MARCHF1: variants seen among roughly 807,000 people sequenced by gnomAD.
MARCHF1 encodes the protein membrane associated ring-CH-type finger 1.
Under a neutral mutation model 54.2 loss-of-function variants are expected in MARCHF1, and 40 were observed. The observed-to-expected ratio is 0.74, with a 90% CI of 0.57 to 0.96. MARCHF1 has a LOEUF of 0.96. Ranked by LOEUF, MARCHF1 falls within the 40% of genes least tolerant of loss-of-function variation. The pLI is 0.00. For missense variants in MARCHF1, 586 were observed against 656.5 expected, an observed-to-expected ratio of 0.89 and a Z score of 1.17; for synonymous variants, 236 against 236.3, an observed-to-expected ratio of 1.00 and a Z score of 0.01.
chr4:163,558,527 A>G (rs1481123121), intron 8 of MARCHF1, among the ~76,000 whole-genome samples: 6 of 152,162 alleles, frequency 3.9e-5, no homozygotes, highest in Non-Finnish European at 8.8e-5. Flanking sequence ...AGGGACAAAA[A>G]TCTAGGAAGT....
At chr4:163,622,723 G>A (rs757766564) in intron 5 of MARCHF1, among the ~76,000 whole-genome samples, 1 of 152,206 alleles carries the variant, frequency 6.6e-6, no homozygotes, top group Non-Finnish European at 1.5e-5. Flanking sequence ...AAACGTGGAA[G>A]AGGGTGGCAT....
At chr4:164,116,043 T>C (rs959532280) in intron 1 of MARCHF1, among the ~76,000 whole-genome samples, 4 of 152,124 alleles carry the variant, frequency 2.6e-5, no homozygotes, top group African/African-American at 9.7e-5. Flanking sequence ...AAAATCTAAA[T>C]AACTTATCTT....
intron 2 of MARCHF1, among the ~76,000 whole-genome samples, chr4:164,003,385 C>CAGAAATTG (rs1172376145): frequency 6.6e-6 from 1 of 151,956 alleles, no homozygotes. Flanking sequence ...CAATTCAAGG[C>CAGAAATTG]AGAAATTGTC....
In MARCHF1 at chr4:164,022,342, A is replaced by C. The variant is rs1753683421; in HGVS notation, c.-247-33633T>G. On this transcript the variant is annotated intron_variant, in intron 2 of 9. Transcript: ENST00000514618. ...GCACTGCTTCCAATGAGACAGACCA[A>C]AATATAGAGTAAACCAACATACTTT... is the stretch of plus-strand genomic sequence containing the variant. 1.3e-5 allele frequency among the ~76,000 whole-genome samples: 2 copies of C among 152,224 alleles called. 1 individual carries two copies. The highest frequency in any genetic ancestry group is 1.3e-4 in the Admixed American group (2 of 15,282).
At chr4:164,333,361 G>A (rs959474034) in intron 1 of MARCHF1, among the ~76,000 whole-genome samples, 13 of 152,096 alleles carry the variant, frequency 8.5e-5, no homozygotes, top group Admixed American at 2.6e-4. Context: ...GCCCTGTGTT[G>A]AGCAAGTCTA....
chr4:164,075,506 AG>A, intron 2 of MARCHF1, among the ~76,000 whole-genome samples: 3 of 152,246 alleles, frequency 2.0e-5, no homozygotes, highest in African/African-American at 7.2e-5. Flanking sequence ...GAGCCAGATC[AG>A]CATCATGTCA....
intron 4 of MARCHF1, among the ~76,000 whole-genome samples, chr4:163,755,203 C>T (rs1365518024): frequency 1.3e-5 from 2 of 152,146 alleles, no homozygotes; most frequent in Non-Finnish European, 2.9e-5. Flanking sequence ...AAGAAAGGTA[C>T]AGACATTTCT....
intron 4 of MARCHF1, among the ~76,000 whole-genome samples, chr4:163,745,462 G>C (rs1746330974): frequency 6.6e-6 from 1 of 151,942 alleles, no homozygotes; most frequent in South Asian, 2.1e-4. Flanking sequence ...ACTCGACCCC[G>C]CTGATACAAA....
intron 4 of MARCHF1, among the ~76,000 whole-genome samples, chr4:163,735,539 C>T (rs1230656271): frequency 2.6e-5 from 4 of 152,090 alleles, no homozygotes. Context: ...GCTAGGAAGT[C>T]CAAGATTAAT....
chr4:164,177,885 T>G (rs754533183), intron 1 of MARCHF1, among the ~76,000 whole-genome samples: 4 of 152,084 alleles, frequency 2.6e-5, no homozygotes, highest in African/African-American at 9.7e-5. Context: ...AAAGTGTACT[T>G]CTGCATGTGT....
intron 5 of MARCHF1, among the ~76,000 whole-genome samples, chr4:163,613,956 T>A (rs1741434905): frequency 6.6e-6 from 1 of 152,148 alleles, no homozygotes; most frequent in South Asian, 2.1e-4. Context: ...GCCTTTCATA[T>A]CTTTTAACCC....
chr4:163,553,622 T>C (rs1005730500), intron 8 of MARCHF1, among the ~76,000 whole-genome samples: 2 of 152,156 alleles, frequency 1.3e-5, no homozygotes, highest in African/African-American at 4.8e-5. Flanking sequence ...CAAATATCAT[T>C]ATAGGTTTTA....
chr4:163,975,361 C>G (rs1007403451), intron 3 of MARCHF1, among the ~76,000 whole-genome samples: 1 of 152,000 alleles, frequency 6.6e-6, no homozygotes, highest in East Asian at 1.9e-4. Flanking sequence ...TTGTGATGGA[C>G]AAAATAGCTA....
At chr4:164,165,944 G>C (rs1730369313) in intron 1 of MARCHF1, among the ~76,000 whole-genome samples, 3 of 152,064 alleles carry the variant, frequency 2.0e-5, no homozygotes, top group Admixed American at 6.6e-5. Context: ...CATTTCAGTT[G>C]CTTTTTTTCA....
At chr4:163,774,062 G>T (rs1046167700) in intron 4 of MARCHF1, among the ~76,000 whole-genome samples, 2 of 152,088 alleles carry the variant, frequency 1.3e-5, no homozygotes, top group South Asian at 4.1e-4. Flanking sequence ...GTGGGGGATT[G>T]GTTTCAGGAC....
intron 8 of MARCHF1, 120 bp downstream of exon 8, chr4:163,585,629 C>T (rs1740385247): frequency 1.3e-6 from 1 of 747,652 alleles, no homozygotes; most frequent in South Asian, 2.6e-5. Flanking sequence ...CAACACAAGA[C>T]ACATACCCTT....
intron 2 of MARCHF1, among the ~76,000 whole-genome samples, chr4:163,995,843 C>T (rs979371697): frequency 7.2e-5 from 11 of 152,012 alleles, no homozygotes; most frequent in African/African-American, 2.2e-4. Flanking sequence ...GATCCAGAGA[C>T]CCCTGTTCTT....
At chr4:164,318,279 C>A (rs1210291240) in intron 1 of MARCHF1, among the ~76,000 whole-genome samples, 1 of 152,084 alleles carries the variant, frequency 6.6e-6, no homozygotes, top group Admixed American at 6.5e-5. Flanking sequence ...TGCAATCATG[C>A]AGGTGATAGC....
chr4:163,856,970 G>A (rs182884304), intron 3 of MARCHF1, among the ~76,000 whole-genome samples: 39 of 151,662 alleles, frequency 2.6e-4, no homozygotes, highest in African/African-American at 8.0e-4. Flanking sequence ...AGCTGATGGC[G>A]CCACTGCACT....
Sources: allele counts gnomAD v4.1 joint callset (sites outside exome capture counted in the v4.1 genomes callset), GRCh38; gene constraint gnomAD v4.1.1; transcripts MANE v1.5; gene names NCBI Gene and HGNC (gene_info 2026-07-23, HGNC 2026-07-21).